PLCB4: variants seen among roughly 807,000 people sequenced by gnomAD.
PLCB4 encodes 1-phosphatidylinositol 4,5-bisphosphate phosphodiesterase beta-4.
In PLCB4, 77 loss-of-function variants were observed where a neutral mutation model predicts 178.8. That is an observed-to-expected ratio of 0.43 (90% confidence interval 0.36 to 0.52). PLCB4 has a LOEUF of 0.52. Among genes scored for constraint, PLCB4 ranks in the 20% least tolerant of loss-of-function variants. The pLI is 0.00. For synonymous variants in PLCB4, 496 were observed against 490.8 expected, an observed-to-expected ratio of 1.01 and a Z score of -0.14; for missense variants, 1,024 against 1,453.4, an observed-to-expected ratio of 0.70 and a Z score of 4.80.
At chr20:9,182,256 A>G (rs1383966801) in intron 2 of PLCB4, among the ~76,000 whole-genome samples, 1 of 152,158 alleles carries the variant, frequency 6.6e-6, no homozygotes, top group African/African-American at 2.4e-5. Context: ...GGTTTACCCC[A>G]TGTAAAGTGA....
chr20:9,437,940 C>A (rs902123602), intron 30 of PLCB4, among the ~76,000 whole-genome samples: 3 of 152,074 alleles, frequency 2.0e-5, no homozygotes, highest in African/African-American at 7.2e-5. Flanking sequence ...ATCAGTGTGT[C>A]CCTGGAACCA....
intron 28 of PLCB4, among the ~76,000 whole-genome samples, chr20:9,432,174 A>G (rs1602662519): frequency 1.3e-5 from 2 of 152,356 alleles, no homozygotes; most frequent in South Asian, 2.1e-4. Context: ...CTAATAAACC[A>G]TGGAAAATAT....
At chr20:9,234,252 G>GT (rs1479964413) in intron 3 of PLCB4, among the ~76,000 whole-genome samples, 1 of 152,100 alleles carries the variant, frequency 6.6e-6, no homozygotes, top group East Asian at 1.9e-4. Context: ...TTAAAGCTTT[G>GT]TATGCTTATT....
chr20:9,466,585 A>C (rs1164833832), intron 35 of PLCB4, among the ~76,000 whole-genome samples: 2 of 152,226 alleles, frequency 1.3e-5, no homozygotes, highest in African/African-American at 2.4e-5. Context: ...ACAAATTTAC[A>C]AGAAAAAAAC....
chr20:9,246,798 CTTGTTT>C (rs2094131215), intron 3 of PLCB4, among the ~76,000 whole-genome samples: 1 of 152,066 alleles, frequency 6.6e-6, no homozygotes, highest in Non-Finnish European at 1.5e-5. Context: ...GGTAAATTGC[CTTGTTT>C]TAGTTGCTTA....
chr20:9,126,522 T>C (rs1189365415), intron 2 of PLCB4, among the ~76,000 whole-genome samples: 1 of 152,234 alleles, frequency 6.6e-6, no homozygotes, highest in Non-Finnish European at 1.5e-5. Flanking sequence ...CTCTTTAACA[T>C]GTTACCATGA....
At chr20:9,130,068 C>G (rs1025794132) in intron 2 of PLCB4, among the ~76,000 whole-genome samples, 3 of 151,970 alleles carry the variant, frequency 2.0e-5, no homozygotes, top group Non-Finnish European at 2.9e-5. Flanking sequence ...AGCTTAGAAA[C>G]AGATGAAGTT....
chr20:9,181,092 A>G (rs1395652152), intron 2 of PLCB4, among the ~76,000 whole-genome samples: 3 of 152,196 alleles, frequency 2.0e-5, no homozygotes, highest in East Asian at 3.9e-4. Flanking sequence ...TGACCAAGAT[A>G]AAGCCATCAG....
In PLCB4 at chr20:9,117,783, A is replaced by G. The variant is rs2091829351; in HGVS notation, c.-79+21441A>G. Among the ~76,000 whole-genome samples the G allele has an allele frequency of 2.0e-5, 3 of 152,112 alleles. No individual in the cohort carries two copies. In the South Asian group the frequency reaches 6.2e-4, roughly 32 times the overall value. ...ATTGGCAGCTCCCCCTGCCTAGAAC[A>G]TTCTCCAGCTCATTATACTACTACC... On this transcript the variant is annotated intron_variant, in intron 2 of 39. Coordinates refer to ENST00000378473, the MANE Select transcript of PLCB4 (RefSeq NM_001377142.1).
chr20:9,463,463 C>T (rs1044273436), intron 35 of PLCB4, among the ~76,000 whole-genome samples: 3 of 151,932 alleles, frequency 2.0e-5, no homozygotes, highest in Admixed American at 6.6e-5. Context: ...TTAAAAGACA[C>T]AGACTGGCAA....
At position 9,312,249 on chromosome 20, in the gene PLCB4, A is replaced by G. The variant is rs936270578; in HGVS notation, c.84+4351A>G. On this transcript the variant is annotated intron_variant, in intron 4 of 39. Coordinates refer to ENST00000378473, the MANE Select transcript of PLCB4 (RefSeq NM_001377142.1). ...CTCGGGCTACCCCTTCTTCTTGCCC[A>G]TGGGACTTTCTTGTATCTGAGTCCA... 3.3e-5 allele frequency among the ~76,000 whole-genome samples: 5 copies of G among 151,878 alleles called. No individual in the cohort carries two copies. The South Asian group carries it at 1.0e-3, about 32-fold the overall frequency.
At chr20:9,082,696 G>C (rs1480693324) in intron 1 of PLCB4, among the ~76,000 whole-genome samples, 1 of 152,128 alleles carries the variant, frequency 6.6e-6, no homozygotes, top group African/African-American at 2.4e-5. Context: ...TTTATTTAGA[G>C]ACTTTTTGGA....
At chr20:9,329,791 G>T (rs926685139) in intron 4 of PLCB4, among the ~76,000 whole-genome samples, 2 of 152,188 alleles carry the variant, frequency 1.3e-5, no homozygotes, top group African/African-American at 4.8e-5. Context: ...CATGTGGAAT[G>T]TGAGCTGAGA....
intron 1 of PLCB4, among the ~76,000 whole-genome samples, chr20:9,089,208 G>T (rs2090569720): frequency 6.6e-6 from 1 of 151,702 alleles, no homozygotes. Context: ...ATGATAAGAA[G>T]TTACTTTAAA....
chr20:9,402,395 G>C (rs2039095928), intron 20 of PLCB4, among the ~76,000 whole-genome samples: 1 of 152,212 alleles, frequency 6.6e-6, no homozygotes, highest in South Asian at 2.1e-4. Flanking sequence ...TGGCTTGAGT[G>C]AGGGTGGAGT....
chr20:9,100,654 T>C (rs2091109831), intron 2 of PLCB4, among the ~76,000 whole-genome samples: 1 of 152,206 alleles, frequency 6.6e-6, no homozygotes, highest in African/African-American at 2.4e-5. Context: ...ATTGTGTTTA[T>C]AATTCTGTTT....
chr20:9,446,662 C>G (rs777983195), intron 32 of PLCB4, among the ~76,000 whole-genome samples: 6 of 152,190 alleles, frequency 3.9e-5, no homozygotes, highest in Non-Finnish European at 8.8e-5. Context: ...GCAGATCTCA[C>G]CTGAAGTCAG....
chr20:9,220,406 C>T lies in PLCB4; in HGVS notation c.-16+2954C>T, dbSNP rs6108273. Among the ~76,000 whole-genome samples the T allele has an allele frequency of 9.1e-3, 1,393 of 152,248 alleles. 13 individuals are homozygous for T. The highest frequency in any genetic ancestry group is 0.04 in the South Asian group (194 of 4,816). On this transcript the variant is annotated intron_variant, in intron 3 of 39. Coordinates refer to ENST00000378473, the MANE Select transcript of PLCB4 (RefSeq NM_001377142.1). ...CAGCATTTTGGGAGGCCGAGGCATG[C>T]GGATCACCTGAAGTCAGGAGTTCAA...
At chr20:9,441,943 G>A (rs771452844) in intron 30 of PLCB4, among the ~76,000 whole-genome samples, 25 of 151,784 alleles carry the variant, frequency 1.6e-4, no homozygotes, top group Admixed American at 4.6e-4. Flanking sequence ...AAGAACAAAG[G>A]ATTAAGAACA....
Sources: gnomAD v4.1 joint callset for allele counts (sites outside exome capture counted in the v4.1 genomes callset) on GRCh38, gnomAD v4.1.1 for gene constraint, MANE v1.5 for transcripts, NCBI Gene and HGNC (gene_info 2026-07-23, HGNC 2026-07-21) for gene names.